Variants in LAMA2 observed in about 807,000 individuals in gnomAD.
LAMA2 encodes laminin subunit alpha-2.
A neutral mutation model predicts 364.8 loss-of-function variants in LAMA2; 269 were observed. That is an observed-to-expected ratio of 0.74 (90% CI 0.67 to 0.82). The LOEUF (loss-of-function observed/expected upper bound fraction) is 0.82, where lower values mean the gene tolerates loss of function less well. Ranked by LOEUF, LAMA2 falls within the 40% of genes least tolerant of loss-of-function variation. The probability of loss-of-function intolerance (pLI) is 0.00; values close to 1 mark genes in which losing one functional copy is unlikely to be tolerated. For missense variants in LAMA2, 3,807 were observed against 3,873.2 expected (o/e 0.98, Z 0.45); for synonymous variants, 1,379 against 1,370.6 (o/e 1.01, Z -0.14).
rs114743928 is a variant in LAMA2, at chr6:128,895,148, G to A, written c.112+11791G>A. ...AGTGATACCATTTCTTTTTAAGGGG[G>A]AAGAAATCCAGAAAAGCTTCTTCTG... On this transcript the variant is annotated intron_variant, in intron 1 of 64. Coordinates refer to ENST00000421865, the MANE Select transcript of LAMA2 (RefSeq NM_000426.4). Among the ~76,000 whole-genome samples the A allele has an allele frequency of 5.8e-3, 877 of 152,238 alleles. 11 individuals carry two copies. Among genetic ancestry groups the A allele is most frequent in the African/African-American group, 0.02 (834 of 41,526 alleles).
chr6:129,223,624 G>C (rs899965600), intron 12 of LAMA2, among the ~76,000 whole-genome samples: 10 of 152,080 alleles, frequency 6.6e-5, no homozygotes, highest in African/African-American at 2.2e-4. Context: ...GCTTGTTTTT[G>C]TCAGGTTTGT....
intron 4 of LAMA2, among the ~76,000 whole-genome samples, chr6:129,132,893 G>A (rs1483699443): frequency 6.6e-6 from 1 of 152,128 alleles, no homozygotes; most frequent in Non-Finnish European, 1.5e-5. Context: ...GAGAGATTAA[G>A]TAAATTGTCT....
chr6:129,200,351 C>CACATATACATATACACGTATATGTGTAA (rs1782181518), intron 12 of LAMA2, among the ~76,000 whole-genome samples: 1 of 133,664 alleles, frequency 7.5e-6, no homozygotes, highest in African/African-American at 2.8e-5. Flanking sequence ...TATATGTGTA[C>CACATATACATATACACGTATATGTGTAA]ACATATACAT....
At chr6:129,445,129 G>A (rs73775416) in intron 44 of LAMA2, among the ~76,000 whole-genome samples, 2,574 of 152,250 alleles carry the variant, frequency 0.017, 82 homozygotes, top group African/African-American at 0.059. Flanking sequence ...TTAATTAAAT[G>A]TAGGCCTTTA....
chr6:129,058,209 T>C (rs1382212416), intron 2 of LAMA2, among the ~76,000 whole-genome samples: 10 of 152,144 alleles, frequency 6.6e-5, no homozygotes, highest in African/African-American at 2.4e-4. Context: ...TTATATTACT[T>C]GGAAAATGAG....
At position 129,158,762 on chromosome 6, in the gene LAMA2, C is replaced by T. The variant is rs909015258; in HGVS notation, c.1206+4079C>T. On this transcript the variant is annotated intron_variant, in intron 8 of 64. Transcript: ENST00000421865. ...ATTGGTCCGACAACATTCTATTGTC[C>T]GGCGTAGCTGGGCTTTTGGAGAATC... 164 of 1,614,016 alleles carry T rather than the reference C, an allele frequency of 1.0e-4. 1 individual carries two copies. The highest frequency in any genetic ancestry group is 1.6e-4 in the South Asian group (15 of 91,088).
intron 8 of LAMA2, among the ~76,000 whole-genome samples, chr6:129,164,688 C>T (rs1336539186): frequency 1.3e-5 from 2 of 152,132 alleles, no homozygotes; most frequent in Non-Finnish European, 2.9e-5. Flanking sequence ...GTTGGTAGCA[C>T]CTGAAAACTC....
chr6:129,086,131 C>A (rs1002830506), intron 3 of LAMA2, among the ~76,000 whole-genome samples: 1 of 152,140 alleles, frequency 6.6e-6, no homozygotes, highest in Non-Finnish European at 1.5e-5. Context: ...TGCAAGTCTT[C>A]GTTTTGAAGA....
At chr6:129,385,719 G>T (rs895809807) in intron 35 of LAMA2, among the ~76,000 whole-genome samples, 7 of 152,066 alleles carry the variant, frequency 4.6e-5, no homozygotes, top group Non-Finnish European at 8.8e-5. Context: ...CGCATTATTA[G>T]AATTAATGAG....
rs1214826895 is a variant in LAMA2, at chr6:128,962,185, T to TATATATAC, written c.112+78829_112+78830insTATATACA. Among the ~76,000 whole-genome samples the TATATATAC allele has an allele frequency of 2.7e-3, 280 of 103,902 alleles. 11 individuals carry two copies. Among genetic ancestry groups the TATATATAC allele is most frequent in the African/African-American group, 4.2e-3 (112 of 26,964 alleles). 68.2% of individuals were successfully genotyped at this position (103,902 alleles called of 152,430 possible). A position where few individuals can be genotyped will look rare whatever the true frequency, so the allele number is the denominator to read the frequency against. On this transcript the variant is annotated intron_variant, in intron 1 of 64. Transcript: ENST00000421865. ...ATATATATATATATATATATATATATACACACATACACACACACATACACA... is the reference window on the plus strand; with the variant it reads ...ATATATATATATATATATATATATATATATATACACACACATACACACACACATACACA...
intron 29 of LAMA2, among the ~76,000 whole-genome samples, chr6:129,329,411 T>C (rs1049183963): frequency 6.6e-6 from 1 of 152,150 alleles, no homozygotes; most frequent in Admixed American, 6.5e-5. Flanking sequence ...TCGTGCAGGC[T>C]GGAGGGCAGT....
intron 22 of LAMA2, among the ~76,000 whole-genome samples, chr6:129,311,107 C>T (rs1202512788): frequency 6.6e-6 from 1 of 151,616 alleles, no homozygotes; most frequent in African/African-American, 2.4e-5. Flanking sequence ...CTAAATAATA[C>T]AAAAATAATG....
At chr6:128,896,447 TGAAA>T (rs1776781746) in intron 1 of LAMA2, among the ~76,000 whole-genome samples, 1 of 151,872 alleles carries the variant, frequency 6.6e-6, no homozygotes, top group South Asian at 2.1e-4. Flanking sequence ...CCAGTAACAC[TGAAA>T]GAGTTAATTG....
intron 1 of LAMA2, among the ~76,000 whole-genome samples, chr6:128,987,140 G>GT (rs764115716): frequency 0.48 from 56,338 of 117,904 alleles, 16,221 homozygotes; most frequent in East Asian, 0.86. Flanking sequence ...TTTTTTTTTT[G>GT]TTTTTTTTTT....
At chr6:129,302,665 C>T (rs1169105006) in intron 22 of LAMA2, among the ~76,000 whole-genome samples, 1 of 151,954 alleles carries the variant, frequency 6.6e-6, no homozygotes, top group East Asian at 1.9e-4. Context: ...AGGTAATGGT[C>T]AGAGCTCACT....
At chr6:129,269,447 T>C (rs1787767567) in intron 16 of LAMA2, among the ~76,000 whole-genome samples, 1 of 151,876 alleles carries the variant, frequency 6.6e-6, no homozygotes, top group African/African-American at 2.4e-5. Context: ...AGTTTTAAGA[T>C]GATTTTTATT....
chr6:129,446,368 AAATTTTGCTCTTTACTTACCC>A (rs1782374106), intron 45 of LAMA2, among the ~76,000 whole-genome samples: 2 of 150,762 alleles, frequency 1.3e-5, no homozygotes, highest in South Asian at 4.2e-4. Context: ...ATTTGTCTCA[AAATTTTGCTCTTTACTTACCC>A]AATTAGAAGT....
chr6:129,215,079 T>C (rs528665016), intron 12 of LAMA2, among the ~76,000 whole-genome samples: 97 of 152,316 alleles, frequency 6.4e-4, no homozygotes, highest in Non-Finnish European at 1.2e-3. Flanking sequence ...TTTTCTTTGC[T>C]AATATATAGG....
chr6:129,354,546 C>T (rs1777044805), intron 32 of LAMA2, among the ~76,000 whole-genome samples: 1 of 151,594 alleles, frequency 6.6e-6, no homozygotes, highest in Non-Finnish European at 1.5e-5. Context: ...ATATTGCTTT[C>T]AAGTCAAATA....
Sources: allele counts gnomAD v4.1 joint callset (sites outside exome capture counted in the v4.1 genomes callset), GRCh38; gene constraint gnomAD v4.1.1; transcripts MANE v1.5; gene names NCBI Gene and HGNC (gene_info 2026-07-23, HGNC 2026-07-21).